RIT2: variants seen among roughly 807,000 people sequenced by gnomAD.
RIT2 encodes the protein GTP-binding protein Rit2.
RIT2 carries 24 observed loss-of-function variants against 23.7 expected under a neutral mutation model. The observed-to-expected ratio is 1.01, with a 90% CI of 0.73 to 1.43. RIT2 has a LOEUF of 1.43. Among genes scored for constraint, RIT2 ranks in the 40% most tolerant of loss-of-function variants. RIT2 has a pLI of 0.00. For synonymous variants in RIT2, 107 were observed against 91.1 expected (o/e 1.17, Z -0.99); for missense variants, 236 against 266.9 (o/e 0.88, Z 0.81).
intron 1 of RIT2, among the ~76,000 whole-genome samples, chr18:43,110,888 G>T (rs1026261781): frequency 6.6e-6 from 1 of 152,078 alleles, no homozygotes; most frequent in African/African-American, 2.4e-5. Flanking sequence ...ATATGATGTT[G>T]TGGGATACAC....
At chr18:42,967,643 G>A (rs889414327) in intron 3 of RIT2, among the ~76,000 whole-genome samples, 6 of 144,030 alleles carry the variant, frequency 4.2e-5, no homozygotes, top group South Asian at 2.2e-4. Flanking sequence ...CGCTCATCTC[G>A]GCCTCCCAAA....
At chr18:42,978,979 G>A (rs1463418809) in intron 2 of RIT2, among the ~76,000 whole-genome samples, 1 of 151,960 alleles carries the variant, frequency 6.6e-6, no homozygotes, top group Admixed American at 6.6e-5. Flanking sequence ...CAAACTCAAG[G>A]AATATTATGT....
At chr18:42,748,755 G>A (rs8085497) in intron 4 of RIT2, among the ~76,000 whole-genome samples, 2,470 of 152,030 alleles carry the variant, frequency 0.016, 61 homozygotes, top group African/African-American at 0.054. Context: ...GGATTTTGGG[G>A]ACTCAGGGGA....
At chr18:43,086,631 G>A (rs774034843) in intron 1 of RIT2, among the ~76,000 whole-genome samples, 2 of 152,082 alleles carry the variant, frequency 1.3e-5, no homozygotes, top group African/African-American at 2.4e-5. Context: ...TCCACAAAAG[G>A]CACTGCACGG....
rs538854322 is a variant in RIT2, at chr18:42,916,805, C to T, written c.426+6767G>A. ...AGATATTATCATCCTATTTTACAGA[C>T]GTAGACACTGAGACAGAGTCTGAAG... On this transcript the variant is annotated intron_variant, in intron 4 of 4. Coordinates refer to ENST00000326695, the MANE Select transcript of RIT2 (RefSeq NM_002930.4). Among the ~76,000 whole-genome samples, 16 of 152,158 alleles carry T rather than the reference C, an allele frequency of 1.1e-4. 1 individual carries two copies. The South Asian group carries it at 1.2e-3, about 12-fold the overall frequency.
chr18:42,929,099 TAG>T (rs1181756772), intron 3 of RIT2, among the ~76,000 whole-genome samples: 1 of 139,528 alleles, frequency 7.2e-6, no homozygotes, highest in African/African-American at 2.6e-5. Flanking sequence ...AGAACCAGGA[TAG>T]AGTGAGGAGA....
intron 3 of RIT2, among the ~76,000 whole-genome samples, chr18:42,942,979 G>C (rs980461832): frequency 2.6e-5 from 4 of 152,096 alleles, no homozygotes; most frequent in Non-Finnish European, 5.9e-5. Context: ...CTGACTTCAA[G>C]AATGGAGCCG....
chr18:42,874,936 C>T (rs552649769), intron 4 of RIT2, among the ~76,000 whole-genome samples: 1 of 152,160 alleles, frequency 6.6e-6, no homozygotes, highest in Admixed American at 6.6e-5. Context: ...GAATGTATTC[C>T]TCTGAAATTG....
intron 2 of RIT2, 119 bp downstream of exon 2, chr18:43,033,692 A>AT: frequency 1.4e-6 from 1 of 706,176 alleles, no homozygotes. Context: ...ATTTGTGTGT[A>AT]TGTGTTCTGG....
At position 43,009,468 on chromosome 18, in the gene RIT2, C is replaced by T. The variant is rs534546441; in HGVS notation, c.160+24343G>A. Among the ~76,000 whole-genome samples, 22 of 151,746 alleles carry T rather than the reference C, an allele frequency of 1.4e-4. No homozygotes were observed. The South Asian group carries it at 3.3e-3, about 23-fold the overall frequency. On this transcript the variant is annotated intron_variant, in intron 2 of 4. Coordinates refer to ENST00000326695, the MANE Select transcript of RIT2 (RefSeq NM_002930.4). ...CTTATTTAAAGAGTTAAAAGGCTTC[C>T]TCTTTCAATACAAATGGAGAAGAAA... is the stretch of plus-strand genomic sequence containing the variant.
intron 3 of RIT2, among the ~76,000 whole-genome samples, chr18:42,953,354 T>A (rs1909898252): frequency 6.6e-6 from 1 of 152,072 alleles, no homozygotes; most frequent in African/African-American, 2.4e-5. Flanking sequence ...GAATCAATGA[T>A]TAGAAAGGAA....
intron 1 of RIT2, among the ~76,000 whole-genome samples, chr18:43,107,785 G>A (rs567740708): frequency 3.3e-5 from 5 of 152,052 alleles, no homozygotes; most frequent in African/African-American, 4.8e-5. Context: ...TCTAATAAGC[G>A]TAGCACTCTC....
intron 2 of RIT2, among the ~76,000 whole-genome samples, chr18:42,978,873 G>T (rs1415265720): frequency 6.6e-6 from 1 of 152,024 alleles, no homozygotes; most frequent in Non-Finnish European, 1.5e-5. Context: ...TTTGTAAGAT[G>T]GCGATAATAG....
At chr18:43,089,720 C>T (rs537837036) in intron 1 of RIT2, among the ~76,000 whole-genome samples, 1 of 151,932 alleles carries the variant, frequency 6.6e-6, no homozygotes, top group Admixed American at 6.6e-5. Context: ...CATGGAGAAC[C>T]CAGAAATAAG....
At chr18:42,932,960 T>C (rs915261905) in intron 3 of RIT2, among the ~76,000 whole-genome samples, 1 of 152,264 alleles carries the variant, frequency 6.6e-6, no homozygotes, top group South Asian at 2.1e-4. Context: ...ATTATATCTT[T>C]CTTATTTTCT....
intron 4 of RIT2, among the ~76,000 whole-genome samples, chr18:42,796,523 ACT>A (rs1177858555): frequency 2.0e-5 from 3 of 152,036 alleles, no homozygotes; most frequent in Non-Finnish European, 4.4e-5. Context: ...TTGTGGGTCA[ACT>A]CTCTTTAGGC....
At chr18:42,958,795 T>C (rs1356738417) in intron 3 of RIT2, among the ~76,000 whole-genome samples, 1 of 152,120 alleles carries the variant, frequency 6.6e-6, no homozygotes, top group Non-Finnish European at 1.5e-5. Context: ...TGAAATTCTG[T>C]AAAGGCCTTT....
At chr18:42,882,296 G>A (rs991459185) in intron 4 of RIT2, among the ~76,000 whole-genome samples, 5 of 152,158 alleles carry the variant, frequency 3.3e-5, no homozygotes, top group Non-Finnish European at 2.9e-5. Context: ...ATAAAATGAG[G>A]GGTCTGGATC....
chr18:43,016,805 G>A (rs1053058653), intron 2 of RIT2, among the ~76,000 whole-genome samples: 2 of 151,722 alleles, frequency 1.3e-5, no homozygotes, highest in African/African-American at 4.8e-5. Context: ...TCCTCACTTC[G>A]TGCTGAATAA....
Sources: allele counts gnomAD v4.1 joint callset (sites outside exome capture counted in the v4.1 genomes callset), GRCh38; gene constraint gnomAD v4.1.1; transcripts MANE v1.5; gene names NCBI Gene and HGNC (gene_info 2026-07-23, HGNC 2026-07-21).